The following BTBD10 variants were observed in gnomAD, a reference collection of about 807,000 sequenced individuals.
BTBD10 encodes BTB domain containing 10.
In BTBD10, 21 loss-of-function variants were observed where a neutral mutation model predicts 53.2. That is an observed-to-expected ratio of 0.39 (90% CI 0.28 to 0.57). The LOEUF is 0.57. BTBD10 is among the 20% of genes least tolerant of loss of function. BTBD10 has a pLI of 0.53. For synonymous variants in BTBD10, 149 were observed against 192.7 expected (o/e 0.77, Z 1.88); for missense variants, 360 against 594.7 (o/e 0.61, Z 4.10).
chr11:13,389,143 TG>T lies in BTBD10; in HGVS notation c.1118-3del. ...CTTTTTCTTTGTAGGTAGGATAACC[TG>T]AAAGAAAGAAAGATTTTAAAAACTG... is the stretch of plus-strand genomic sequence containing the variant. On this transcript the variant is annotated splice_region_variant and splice_polypyrimidine_tract_variant and intron_variant, in intron 8 of 8. Coordinates refer to ENST00000278174, the MANE Select transcript of BTBD10 (RefSeq NM_032320.7). 6.2e-7 allele frequency: 1 copy of T among 1,600,204 alleles called. No individual in the cohort carries two copies. Among genetic ancestry groups the T allele is most frequent in the Non-Finnish European group, 8.5e-7 (1 of 1,174,390 alleles).
chr11:13,449,434 A>G lies in BTBD10; in HGVS notation c.-57-4253T>C, dbSNP rs568883222. ...TAACAAAAAGCCCATGTTATTTCCA[A>G]TGCACCAAGCAAGGTATATAAAAAT... On this transcript the variant is annotated intron_variant, in intron 1 of 8. Coordinates refer to ENST00000278174, the MANE Select transcript of BTBD10 (RefSeq NM_032320.7). 1.8e-3 allele frequency among the ~76,000 whole-genome samples: 267 copies of G among 152,224 alleles called. 2 individuals are homozygous for G. Among genetic ancestry groups the G allele is most frequent in the Non-Finnish European group, 1.4e-3 (98 of 67,998 alleles).
chr11:13,452,802 TTAATC>T (rs1950888023), intron 1 of BTBD10, among the ~76,000 whole-genome samples: 1 of 152,212 alleles, frequency 6.6e-6, no homozygotes, highest in South Asian at 2.1e-4. Flanking sequence ...TTCTCATTAT[TTAATC>T]TATTATTATT....
chr11:13,438,349 A>G (rs1198522249), intron 2 of BTBD10, among the ~76,000 whole-genome samples: 1 of 152,082 alleles, frequency 6.6e-6, no homozygotes, highest in Non-Finnish European at 1.5e-5. Context: ...TCTCTGTCAG[A>G]AAAATAATCA....
rs528844903 is a variant in BTBD10 at position 13,389,325 on chromosome 11, T to G, written c.1118-184A>C. ...AGACATGAAAACCCTACTGATGTAA[T>G]TCATAAAATCTTCTATCATTCTTTC... On this transcript the variant is annotated intron_variant, in intron 8 of 8. Coordinates refer to ENST00000278174, the MANE Select transcript of BTBD10 (RefSeq NM_032320.7). 3.0e-4 allele frequency among the ~76,000 whole-genome samples: 45 copies of G among 152,286 alleles called. No homozygotes were observed. The South Asian group carries it at 5.4e-3, about 18-fold the overall frequency.
chr11:13,461,936 T>C (rs1951108905), intron 1 of BTBD10, among the ~76,000 whole-genome samples: 1 of 151,800 alleles, frequency 6.6e-6, no homozygotes, highest in African/African-American at 2.4e-5. Context: ...CACACTTTTT[T>C]TTTTTTTTTT....
intron 1 of BTBD10, among the ~76,000 whole-genome samples, chr11:13,457,352 T>C (rs1286004976): frequency 2.0e-5 from 3 of 152,134 alleles, no homozygotes; most frequent in African/African-American, 2.4e-5. Flanking sequence ...TTATTTGTAA[T>C]GGTAAAAGAC....
In BTBD10 at chr11:13,463,221, G is replaced by C. The variant is rs972279238; in HGVS notation, c.-187C>G. The stretch of plus-strand genomic sequence containing the variant: ...TGTGGAGGAAGCCACTGAGGCGGCT[G>C]CGCGTAGCGGAGCCGCCCCGGCAGG... On this transcript the variant is annotated 5_prime_UTR_variant, in exon 1 of 9. Coordinates refer to ENST00000278174, the MANE Select transcript of BTBD10 (RefSeq NM_032320.7). 5.3e-5 allele frequency: 8 copies of C among 152,210 alleles called. No individual in the cohort carries two copies. Among genetic ancestry groups the C allele is most frequent in the Non-Finnish European group, 2.9e-5 (2 of 68,076 alleles). The allele number at this position is 152,210 out of a possible 1,614,324, so 9.4% of individuals were successfully genotyped here.
intron 3 of BTBD10, among the ~76,000 whole-genome samples, chr11:13,420,315 G>T (rs572481783): frequency 9.0e-4 from 125 of 139,126 alleles, no homozygotes; most frequent in African/African-American, 3.1e-3. Flanking sequence ...GTAGTAAGAA[G>T]TATTTTTTTT....
rs540790073 is a variant in BTBD10, at chr11:13,397,033, T to A, written c.1117+6135A>T. ...TGGTTGTGTCTCTGCCAGGCTTTGG[T>A]ATCAGGATGATGCTGGCCTCATAAA... On this transcript the variant is annotated intron_variant, in intron 8 of 8. Coordinates refer to ENST00000278174, the MANE Select transcript of BTBD10 (RefSeq NM_032320.7). Among the ~76,000 whole-genome samples the A allele has an allele frequency of 3.1e-3, 468 of 152,324 alleles. 1 individual carries two copies. The highest frequency in any genetic ancestry group is 0.011 in the African/African-American group (457 of 41,576).
rs1005512290 is a variant in BTBD10, at chr11:13,459,054, A to T, written c.-58+4038T>A. On this transcript the variant is annotated intron_variant, in intron 1 of 8. Coordinates refer to ENST00000278174, the MANE Select transcript of BTBD10 (RefSeq NM_032320.7). The stretch of plus-strand genomic sequence containing the variant: ...TATTTATTTATTTATTTTTTTATTT[A>T]TTTATTTTTTTTTTTTTTTTGAGAC... Among the ~76,000 whole-genome samples the T allele has an allele frequency of 2.5e-3, 300 of 117,890 alleles. 1 individual carries two copies. The highest frequency in any genetic ancestry group is 8.9e-3 in the African/African-American group (265 of 29,786). The allele number at this position is 117,890 out of a possible 152,430, so 77.3% of individuals were successfully genotyped here. A position where few individuals can be genotyped will look rare whatever the true frequency, so the allele number is the denominator to read the frequency against.
At chr11:13,421,385 A>T (rs1176407637) in intron 3 of BTBD10, among the ~76,000 whole-genome samples, 1 of 152,234 alleles carries the variant, frequency 6.6e-6, no homozygotes, top group Admixed American at 6.5e-5. Flanking sequence ...GAAAATCTAT[A>T]TATCACAGTT....
intron 2 of BTBD10, among the ~76,000 whole-genome samples, chr11:13,441,078 C>T (rs1950639436): frequency 6.6e-6 from 1 of 151,958 alleles, no homozygotes; most frequent in Non-Finnish European, 1.5e-5. Context: ...CACCCAGAAA[C>T]AAGTTGAGCA....
chr11:13,430,680 A>C (rs758432384), intron 2 of BTBD10, among the ~76,000 whole-genome samples: 1 of 152,198 alleles, frequency 6.6e-6, no homozygotes, highest in Non-Finnish European at 1.5e-5. Context: ...ATACAATGGA[A>C]TACTACTCAA....
At chr11:13,422,729 A>T (rs1278323432) in intron 2 of BTBD10, among the ~76,000 whole-genome samples, 1 of 152,244 alleles carries the variant, frequency 6.6e-6, no homozygotes, top group Non-Finnish European at 1.5e-5. Flanking sequence ...GAATTTTTAA[A>T]ACTTTAAAAT....
intron 8 of BTBD10, among the ~76,000 whole-genome samples, chr11:13,390,283 T>C (rs761448313): frequency 6.6e-6 from 1 of 152,164 alleles, no homozygotes; most frequent in Non-Finnish European, 1.5e-5. Flanking sequence ...GAGCTACTTT[T>C]CACTCTGCCA....
At chr11:13,401,780 CCTT>C (rs1174383099) in intron 8 of BTBD10, among the ~76,000 whole-genome samples, 1 of 152,140 alleles carries the variant, frequency 6.6e-6, no homozygotes, top group Non-Finnish European at 1.5e-5. Context: ...CCAGTATACT[CCTT>C]ATCATGGCCT....
At chr11:13,430,553 C>A (rs1182952753) in intron 2 of BTBD10, among the ~76,000 whole-genome samples, 1 of 152,022 alleles carries the variant, frequency 6.6e-6, no homozygotes, top group Non-Finnish European at 1.5e-5. Context: ...AAGACATTAT[C>A]CATAAAAAAA....
At chr11:13,419,204 A>G (rs1054824615) in intron 4 of BTBD10, among the ~76,000 whole-genome samples, 5 of 152,254 alleles carry the variant, frequency 3.3e-5, no homozygotes, top group East Asian at 1.9e-4. Context: ...CCTGACTTCA[A>G]TAACTAATAT....
At chr11:13,414,230 C>T (rs184733624) in intron 5 of BTBD10, among the ~76,000 whole-genome samples, 81 of 152,214 alleles carry the variant, frequency 5.3e-4, no homozygotes, top group African/African-American at 1.8e-3. Context: ...TTCCAAAATC[C>T]ACTTAGTAAG....
Sources: allele counts gnomAD v4.1 joint callset (sites outside exome capture counted in the v4.1 genomes callset), GRCh38; gene constraint gnomAD v4.1.1; transcripts MANE v1.5; gene names NCBI Gene and HGNC (gene_info 2026-07-23, HGNC 2026-07-21).